The following RPS6KB1 variants were observed in gnomAD, a reference collection of about 807,000 sequenced individuals.
RPS6KB1 encodes the protein ribosomal protein S6 kinase B1.
Under a neutral mutation model 70.2 loss-of-function variants are expected in RPS6KB1, and 12 were observed. The ratio of observed to expected loss-of-function variants is 0.17; its 90% CI spans 0.11 to 0.28. RPS6KB1 has a LOEUF of 0.28. Among genes scored for constraint, RPS6KB1 ranks in the 10% least tolerant of loss-of-function variants. The pLI, the probability that RPS6KB1 is intolerant of heterozygous loss-of-function variation, is 1.00. For synonymous variants in RPS6KB1, 175 were observed against 211.2 expected (o/e 0.83, Z 1.49); for missense variants, 270 against 646.6 (o/e 0.42, Z 6.32).
chr17:59,948,447 T>C lies in RPS6KB1; in HGVS notation c.*1659T>C, dbSNP rs1279102425. 6.6e-6 allele frequency: 1 copy of C among 152,606 alleles called. No homozygotes were observed. Among genetic ancestry groups the C allele is most frequent in the Non-Finnish European group, 1.5e-5 (1 of 68,020 alleles). The allele number at this position is 152,606 out of a possible 1,614,324, so 9.5% of individuals were successfully genotyped here. ...TATGTTTTCAAACCTTTTTGAGCCA[T>C]AGGATCCAAGCCATAAAATTCTTTA... On this transcript the variant is annotated 3_prime_UTR_variant, in exon 15 of 15. Coordinates refer to ENST00000225577, the MANE Select transcript of RPS6KB1 (RefSeq NM_003161.4).
intron 7 of RPS6KB1, among the ~76,000 whole-genome samples, chr17:59,933,303 C>T (rs924101874): frequency 2.0e-5 from 3 of 149,648 alleles, no homozygotes; most frequent in South Asian, 2.1e-4. Flanking sequence ...CTCCCCAAAA[C>T]GTGGATTCTG....
At chr17:59,915,088 AG>A (rs2042864858) in intron 4 of RPS6KB1, among the ~76,000 whole-genome samples, 4 of 151,318 alleles carry the variant, frequency 2.6e-5, no homozygotes, top group Admixed American at 2.0e-4. Flanking sequence ...TCCCGGGTTC[AG>A]GTAATTCTCC....
At chr17:59,938,284 C>T (rs1307073729) in intron 12 of RPS6KB1, among the ~76,000 whole-genome samples, 3 of 151,374 alleles carry the variant, frequency 2.0e-5, no homozygotes, top group South Asian at 2.1e-4. Context: ...GGGCTCCTCC[C>T]GTATAGCTGG....
Position 59,893,133 on chromosome 17 carries a change from A to T in RPS6KB1, c.-52A>T. 1 of 1,589,616 alleles carries T rather than the reference A, an allele frequency of 6.3e-7. No individual in the cohort carries two copies. The highest frequency in any genetic ancestry group is 2.3e-5 in the East Asian group (1 of 44,118). On this transcript the variant is annotated 5_prime_UTR_variant, in exon 1 of 15. In the 5' UTR this introduces an upstream ATG that the reference lacks. Transcript: ENST00000225577. This position sits in a 1 kb window ranked among gnomAD's most constrained non-coding sequence, Gnocchi z 4.1. ...CCTAGGCGCAGACGCACTGAGCCTAAGCAGCCGGTGATGGCGGCAGCGGCT... is the reference window on the plus strand; with the variant it reads ...CCTAGGCGCAGACGCACTGAGCCTATGCAGCCGGTGATGGCGGCAGCGGCT...
Position 59,949,477 on chromosome 17 carries a change from TA to T in RPS6KB1, c.*2690del, listed in dbSNP as rs1025715205. On this transcript the variant is annotated 3_prime_UTR_variant, in exon 15 of 15. Coordinates refer to ENST00000225577, the MANE Select transcript of RPS6KB1 (RefSeq NM_003161.4). ...TTCTTTAAAATCAGCTATTACAGGA[TA>T]TTTTTTTATTTTATACATGCTGTTT... is the stretch of plus-strand genomic sequence containing the variant. 6 of 152,564 alleles carry T rather than the reference TA, an allele frequency of 3.9e-5. No homozygotes were observed. The highest frequency in any genetic ancestry group is 5.9e-5 in the Non-Finnish European group (4 of 67,984). 9.5% of individuals were successfully genotyped at this position (152,564 alleles called of 1,614,324 possible). A position where few individuals can be genotyped will look rare whatever the true frequency, so the allele number is the denominator to read the frequency against.
At chr17:59,928,995 T>G (rs1164984426) in intron 5 of RPS6KB1, among the ~76,000 whole-genome samples, 1 of 152,218 alleles carries the variant, frequency 6.6e-6, no homozygotes, top group African/African-American at 2.4e-5. Context: ...GATGTTAACT[T>G]TGGTCACATG....
intron 1 of RPS6KB1, among the ~76,000 whole-genome samples, chr17:59,897,247 C>T (rs935581110): frequency 2.0e-5 from 3 of 152,172 alleles, no homozygotes; most frequent in African/African-American, 7.2e-5. Flanking sequence ...ACTCTGTGAC[C>T]TGGAGTAAAT....
At position 59,934,864 on chromosome 17, in the gene RPS6KB1, A is replaced by G; in HGVS notation, c.871-329A>G. ...GGAAACACAGGCTTCCTTCCAGGAC[A>G]CTGCTACTTCCTCTGTCCTGTTGCT... On this transcript the variant is annotated intron_variant, in intron 9 of 14. Transcript: ENST00000225577. The surrounding 1 kb of genome is among the most constrained non-coding windows in gnomAD (Gnocchi z 4.8). The G allele has an allele frequency of 2.7e-6, 1 of 373,008 alleles. No homozygotes were observed. The highest frequency in any genetic ancestry group is 4.9e-6 in the Non-Finnish European group (1 of 205,856). 23.1% of individuals were successfully genotyped at this position (373,008 alleles called of 1,614,324 possible).
At chr17:59,922,670 G>T (rs1148561) in intron 4 of RPS6KB1, among the ~76,000 whole-genome samples, 1 of 145,688 alleles carries the variant, frequency 6.9e-6, no homozygotes, top group Non-Finnish European at 1.5e-5. Flanking sequence ...TCAGCCTCCA[G>T]AGTAGCTGAG....
chr17:59,902,100 C>CTTTTT (rs35721755), intron 1 of RPS6KB1, among the ~76,000 whole-genome samples: 1 of 81,634 alleles, frequency 1.2e-5, no homozygotes, highest in Non-Finnish European at 2.1e-5. Flanking sequence ...GTGGCTTTCA[C>CTTTTT]TTTTTTTTTT....
intron 1 of RPS6KB1, among the ~76,000 whole-genome samples, chr17:59,904,266 A>C (rs1227642034): frequency 6.8e-6 from 1 of 147,760 alleles, no homozygotes; most frequent in Non-Finnish European, 1.5e-5. Context: ...TTTTTAGTAG[A>C]GACAGGGTTT....
chr17:59,927,850 G>GT (rs2043706044), intron 5 of RPS6KB1, among the ~76,000 whole-genome samples: 1 of 150,238 alleles, frequency 6.7e-6, no homozygotes, highest in Non-Finnish European at 1.5e-5. Flanking sequence ...AACACAAAAA[G>GT]TTTTAAGAGT....
At position 59,893,664 on chromosome 17, in the gene RPS6KB1, GC is replaced by G. The variant is rs2041292207; in HGVS notation, c.141+340del. ...GTGAGCGTGTGTTGGGGAGACGGGG[GC>G]TGCTCTTGCTGGGTGTCCCGTAAGT... On this transcript the variant is annotated intron_variant, in intron 1 of 14. Coordinates refer to ENST00000225577, the MANE Select transcript of RPS6KB1 (RefSeq NM_003161.4). The surrounding 1 kb of genome is among the most constrained non-coding windows in gnomAD (Gnocchi z 4.1). The G allele has an allele frequency of 1.9e-6, 1 of 531,760 alleles. No homozygotes were observed. The highest frequency in any genetic ancestry group is 4.9e-5 in the Admixed American group (1 of 20,560). 32.9% of individuals were successfully genotyped at this position (531,760 alleles called of 1,614,324 possible).
chr17:59,925,348 A>G (rs1338996520), intron 4 of RPS6KB1, among the ~76,000 whole-genome samples: 1 of 152,206 alleles, frequency 6.6e-6, no homozygotes, highest in Admixed American at 6.5e-5. Context: ...AAAACAGGGC[A>G]TCATTTTCCC....
intron 5 of RPS6KB1, among the ~76,000 whole-genome samples, chr17:59,928,508 C>T (rs1470011415): frequency 3.3e-5 from 5 of 151,874 alleles, no homozygotes; most frequent in Admixed American, 3.3e-4. Flanking sequence ...CACCACCACG[C>T]CCAGCTAATT....
intron 5 of RPS6KB1, among the ~76,000 whole-genome samples, chr17:59,928,380 TTTC>T (rs1304394788): frequency 3.0e-5 from 4 of 134,276 alleles, no homozygotes; most frequent in South Asian, 2.5e-4. Flanking sequence ...TTTTCTTTCT[TTTC>T]TTTTCTTTTT....
intron 5 of RPS6KB1, among the ~76,000 whole-genome samples, chr17:59,929,453 T>C (rs1317535142): frequency 6.6e-6 from 1 of 152,250 alleles, no homozygotes; most frequent in Non-Finnish European, 1.5e-5. Context: ...ATTGTGATGT[T>C]TGCCAAGTAC....
chr17:59,945,662 T>G, intron 14 of RPS6KB1, 144 bp downstream of exon 14: 1 of 601,338 alleles, frequency 1.7e-6, no homozygotes, highest in Non-Finnish European at 3.0e-6. Flanking sequence ...ATATCTTACA[T>G]TGCAAAGGAC....
chr17:59,926,077 G>A lies in RPS6KB1; in HGVS notation c.382-358G>A, dbSNP rs143541331. Among the ~76,000 whole-genome samples, 525 of 152,154 alleles carry A rather than the reference G, an allele frequency of 3.5e-3. 5 individuals carry two copies. Among genetic ancestry groups the A allele is most frequent in the African/African-American group, 0.012 (498 of 41,512 alleles). ...TTCCCTGAGACTTTGGGCTCCTGTC[G>A]ACTTTTAGACTCCTATGGACAGGGC... On this transcript the variant is annotated intron_variant, in intron 4 of 14. Coordinates refer to ENST00000225577, the MANE Select transcript of RPS6KB1 (RefSeq NM_003161.4).
Sources: gnomAD v4.1 joint callset for allele counts (sites outside exome capture counted in the v4.1 genomes callset) on GRCh38, gnomAD v4.1.1 for gene constraint, Gnocchi (gnomAD v3.1) non-coding constraint, MANE v1.5 for transcripts, NCBI Gene and HGNC (gene_info 2026-07-23, HGNC 2026-07-21) for gene names.